The following CDK14 variants were observed in gnomAD, a reference collection of about 807,000 sequenced individuals.
CDK14 encodes the protein cyclin dependent kinase 14.
CDK14 carries 34 observed loss-of-function variants against 60.7 expected under a neutral mutation model. The observed-to-expected ratio is 0.56, with a 90% CI of 0.43 to 0.75. The LOEUF (loss-of-function observed/expected upper bound fraction) is 0.75, where lower values mean the gene tolerates loss of function less well. Ranked by LOEUF, CDK14 falls within the 30% of genes least tolerant of loss-of-function variation. CDK14 has a pLI of 0.00. For synonymous variants in CDK14, 197 were observed against 203.7 expected (o/e 0.97, Z 0.28); for missense variants, 482 against 564.1 (o/e 0.85, Z 1.47).
chr7:90,608,992 A>G (rs1025032021), intron 2 of CDK14, among the ~76,000 whole-genome samples: 1 of 152,188 alleles, frequency 6.6e-6, no homozygotes, highest in African/African-American at 2.4e-5. Context: ...TATTTTATAT[A>G]AAGATATAAT....
intron 14 of CDK14, among the ~76,000 whole-genome samples, chr7:91,134,285 T>C (rs189350457): frequency 6.6e-6 from 1 of 152,300 alleles, no homozygotes; most frequent in East Asian, 1.9e-4. Context: ...AGCTTGTAGC[T>C]AAAGTCTTTG....
At chr7:91,191,253 C>G (rs562947822) in intron 14 of CDK14, among the ~76,000 whole-genome samples, 8 of 152,134 alleles carry the variant, frequency 5.3e-5, no homozygotes, top group African/African-American at 1.9e-4. Context: ...TTAGCAACAC[C>G]ACAGCTTCAT....
chr7:90,749,999 G>A (rs1803756020), intron 4 of CDK14, among the ~76,000 whole-genome samples: 1 of 152,130 alleles, frequency 6.6e-6, no homozygotes, highest in Non-Finnish European at 1.5e-5. Context: ...TTACTGATAA[G>A]TGCCATCTAC....
intron 6 of CDK14, 23 bp downstream of exon 6, chr7:90,863,292 AT>A: frequency 7.4e-7 from 1 of 1,347,522 alleles, no homozygotes; most frequent in Non-Finnish European, 1.1e-6. Flanking sequence ...AGACTTTTAA[AT>A]TTAGACATTT....
At chr7:90,865,835 A>G (rs1791159793) in intron 6 of CDK14, among the ~76,000 whole-genome samples, 1 of 152,148 alleles carries the variant, frequency 6.6e-6, no homozygotes. Flanking sequence ...TGCAAAGGAA[A>G]AACCTAAAGG....
chr7:91,034,882 A>G (rs1281900572), intron 10 of CDK14, among the ~76,000 whole-genome samples: 4 of 152,018 alleles, frequency 2.6e-5, no homozygotes, highest in African/African-American at 9.7e-5. Flanking sequence ...TGATGGAAGA[A>G]AGGAACTATA....
chr7:90,733,235 T>A (rs2116741040), intron 3 of CDK14, among the ~76,000 whole-genome samples: 1 of 152,346 alleles, frequency 6.6e-6, no homozygotes, highest in Middle Eastern at 3.4e-3. Flanking sequence ...TTGCATTTGC[T>A]GAGGAGTGTT....
At chr7:90,925,418 G>C (rs1211810391) in intron 8 of CDK14, among the ~76,000 whole-genome samples, 1 of 152,200 alleles carries the variant, frequency 6.6e-6, no homozygotes, top group African/African-American at 2.4e-5. Context: ...TGGAATAACT[G>C]AGGCATAAGC....
At chr7:90,628,666 A>G (rs1799927196) in intron 2 of CDK14, among the ~76,000 whole-genome samples, 1 of 152,004 alleles carries the variant, frequency 6.6e-6, no homozygotes, top group Non-Finnish European at 1.5e-5. Context: ...CTAAAAATAT[A>G]TATATATTTA....
At chr7:91,044,803 T>C (rs1370870084) in intron 10 of CDK14, among the ~76,000 whole-genome samples, 1 of 152,182 alleles carries the variant, frequency 6.6e-6, no homozygotes, top group Non-Finnish European at 1.5e-5. Flanking sequence ...CATCTGGCAC[T>C]CCCTTGAACA....
At chr7:90,757,365 T>TA (rs1229897198) in intron 4 of CDK14, among the ~76,000 whole-genome samples, 2 of 107,566 alleles carry the variant, frequency 1.9e-5, no homozygotes, top group East Asian at 1.4e-3. Flanking sequence ...ATGACTCATT[T>TA]CAAAAAAAAA....
At chr7:90,765,234 C>CT (rs1207085989) in intron 4 of CDK14, among the ~76,000 whole-genome samples, 1 of 152,078 alleles carries the variant, frequency 6.6e-6, no homozygotes, top group African/African-American at 2.4e-5. Flanking sequence ...TAAACAGTGA[C>CT]TTTTTTATTA....
At chr7:90,661,387 G>A (rs970226849) in intron 2 of CDK14, among the ~76,000 whole-genome samples, 7 of 152,104 alleles carry the variant, frequency 4.6e-5, no homozygotes, top group African/African-American at 1.4e-4. Flanking sequence ...TTTTGAGTAC[G>A]TGATCTACAT....
chr7:91,015,166 T>G (rs1796264174), intron 10 of CDK14, among the ~76,000 whole-genome samples: 1 of 152,198 alleles, frequency 6.6e-6, no homozygotes, highest in Non-Finnish European at 1.5e-5. Flanking sequence ...CTTATCTGTG[T>G]CAACCTTACT....
chr7:91,172,637 T>C (rs1801560686), intron 14 of CDK14, among the ~76,000 whole-genome samples: 1 of 152,196 alleles, frequency 6.6e-6, no homozygotes, highest in African/African-American at 2.4e-5. Context: ...TCTTTCCACC[T>C]AATCCCTAAA....
intron 8 of CDK14, among the ~76,000 whole-genome samples, chr7:90,924,460 T>A (rs1241430994): frequency 6.6e-6 from 1 of 152,246 alleles, no homozygotes; most frequent in Non-Finnish European, 1.5e-5. Context: ...TTGCCTAATA[T>A]CCCTGCTTTA....
intron 10 of CDK14, among the ~76,000 whole-genome samples, chr7:91,002,604 G>A (rs1795871455): frequency 6.6e-6 from 1 of 152,172 alleles, no homozygotes; most frequent in Non-Finnish European, 1.5e-5. Flanking sequence ...CAGTTACTGT[G>A]TTAGAACCTA....
intron 12 of CDK14, among the ~76,000 whole-genome samples, chr7:91,103,516 G>C (rs1483569465): frequency 6.6e-6 from 1 of 152,168 alleles, no homozygotes; most frequent in Non-Finnish European, 1.5e-5. Flanking sequence ...GAGAGGCACT[G>C]TTTGTTCCTT....
At chr7:90,766,686 G>T (rs1480126045) in intron 4 of CDK14, among the ~76,000 whole-genome samples, 1 of 152,088 alleles carries the variant, frequency 6.6e-6, no homozygotes, top group African/African-American at 2.4e-5. Context: ...CAATTGTAAG[G>T]TCCAGGGTCA....
Sources: gnomAD v4.1 joint callset for allele counts (sites outside exome capture counted in the v4.1 genomes callset) on GRCh38, gnomAD v4.1.1 for gene constraint, MANE v1.5 for transcripts, NCBI Gene and HGNC (gene_info 2026-07-23, HGNC 2026-07-21) for gene names.